Variants in HIF1A observed in about 807,000 individuals in gnomAD.
HIF1A encodes hypoxia-inducible factor 1-alpha.
HIF1A carries 24 observed loss-of-function variants against 92.7 expected under a neutral mutation model. The observed-to-expected ratio is 0.26, with a 90% confidence interval of 0.19 to 0.36. The LOEUF is 0.36. Ranked by LOEUF, HIF1A falls within the 10% of genes least tolerant of loss-of-function variation. The probability of loss-of-function intolerance (pLI) is 1.00; values close to 1 mark genes in which losing one functional copy is unlikely to be tolerated. For missense variants in HIF1A, 799 were observed against 998.5 expected (o/e 0.80, Z 2.69); for synonymous variants, 319 against 338.7 (o/e 0.94, Z 0.64).
At position 61,725,544 on chromosome 14, in the gene HIF1A, A is replaced by G. The variant is rs1023915953; in HGVS notation, c.458-1162A>G. Reference sequence around the variant, plus strand: ...ATTCTCACGCCTCAACCTCCCAAGTAGCTGGGATTATAGGCATGTGCCACC... The same window carrying G: ...ATTCTCACGCCTCAACCTCCCAAGTGGCTGGGATTATAGGCATGTGCCACC... On this transcript the variant is annotated intron_variant, in intron 4 of 14. Coordinates refer to ENST00000337138, the MANE Select transcript of HIF1A (RefSeq NM_001530.4). Among the ~76,000 whole-genome samples, 6 of 152,116 alleles carry G rather than the reference A, an allele frequency of 3.9e-5. No individual in the cohort carries two copies. In the South Asian group the frequency reaches 1.0e-3, roughly 26 times the overall value.
chr14:61,734,405 C>T (rs1468555307), intron 8 of HIF1A, 120 bp downstream of exon 8: 5 of 668,842 alleles, frequency 7.5e-6, no homozygotes, highest in African/African-American at 5.6e-5. Flanking sequence ...TCTTTTACAT[C>T]GCTACCAAAT....
intron 1 of HIF1A, among the ~76,000 whole-genome samples, chr14:61,711,906 CAACTTA>C (rs1198197096): frequency 3.3e-5 from 5 of 152,244 alleles, no homozygotes; most frequent in African/African-American, 1.2e-4. Flanking sequence ...GATCGAATCT[CAACTTA>C]TTAATTCATA....
intron 9 of HIF1A, among the ~76,000 whole-genome samples, chr14:61,737,430 T>C (rs965273976): frequency 3.3e-5 from 5 of 152,324 alleles, no homozygotes; most frequent in African/African-American, 9.6e-5. Flanking sequence ...TATATGGAAG[T>C]AGGCATTGTT....
chr14:61,745,597 A>G (rs2044770749), intron 13 of HIF1A, 94 bp from the exon 14 acceptor site: 1 of 990,402 alleles, frequency 1.0e-6, no homozygotes, highest in Non-Finnish European at 1.6e-6. Flanking sequence ...GAAACTGCCT[A>G]TAATGTTATT....
At chr14:61,695,989 A>G (rs1010725437) in intron 1 of HIF1A, 150 bp downstream of exon 1, 2 of 706,770 alleles carry the variant, frequency 2.8e-6, no homozygotes, top group Non-Finnish European at 2.3e-6. Context: ...CTCTTCCCCC[A>G]ACCTCGCCGG....
chr14:61,746,097 G>A (rs1337023062), intron 14 of HIF1A, among the ~76,000 whole-genome samples: 8 of 151,792 alleles, frequency 5.3e-5, no homozygotes, highest in South Asian at 2.1e-4. Flanking sequence ...GGTGGCGGGC[G>A]CCTGTAATCC....
chr14:61,717,756 T>C (rs1406664860), intron 1 of HIF1A, among the ~76,000 whole-genome samples: 2 of 152,182 alleles, frequency 1.3e-5, no homozygotes, highest in African/African-American at 4.8e-5. Flanking sequence ...AAGCATATAC[T>C]CGCGCCTGTA....
rs1024278930 is a variant in HIF1A, at chr14:61,744,565, A to G, written c.2094-140A>G. On this transcript the variant is annotated intron_variant, in intron 12 of 14. Transcript: ENST00000337138. Reference sequence around the variant, plus strand: ...TTTTACTTTTAAGATGATAAACTTTAGTGATCAGGAAAGTTATCTTATGTA... The same window carrying G: ...TTTTACTTTTAAGATGATAAACTTTGGTGATCAGGAAAGTTATCTTATGTA... 13 of 415,036 alleles carry G rather than the reference A, an allele frequency of 3.1e-5. No homozygotes were observed. The Admixed American group carries it at 4.5e-4, about 14-fold the overall frequency. The allele number at this position is 415,036 out of a possible 1,614,324, so 25.7% of individuals were successfully genotyped here.
At chr14:61,723,318 A>T (rs2044457015) in intron 4 of HIF1A, among the ~76,000 whole-genome samples, 1 of 152,174 alleles carries the variant, frequency 6.6e-6, no homozygotes. Context: ...TAACTGTTAG[A>T]CAATTTCTAT....
chr14:61,737,696 A>G (rs1276509979), intron 9 of HIF1A, among the ~76,000 whole-genome samples: 2 of 152,218 alleles, frequency 1.3e-5, no homozygotes, highest in African/African-American at 4.8e-5. Flanking sequence ...GAATTAGACA[A>G]ACCTTTTGTG....
chr14:61,731,476 T>C (rs989331465), intron 6 of HIF1A, among the ~76,000 whole-genome samples: 2 of 152,246 alleles, frequency 1.3e-5, no homozygotes, highest in Non-Finnish European at 2.9e-5. Context: ...ATTTGAAATA[T>C]TGTTTTATCT....
chr14:61,742,745 G>C (rs544220826), intron 12 of HIF1A, among the ~76,000 whole-genome samples: 5 of 151,880 alleles, frequency 3.3e-5, no homozygotes, highest in African/African-American at 1.2e-4. Flanking sequence ...TTAGCTGGGC[G>C]TGGTGGCACG....
At position 61,738,135 on chromosome 14, in the gene HIF1A, A is replaced by G. The variant is rs755477292; in HGVS notation, c.1298A>G (p.Asp433Gly). The change falls in exon 10 of 15, where the codon GAT becomes GGT. Residue 433 changes from aspartate to glycine, a missense_variant. By Grantham distance (94) the Asp-to-Gly change is moderately conservative (BLOSUM62 -1). Around this residue, in one of 2 missense-constraint regions of HIF1A, gnomAD observed 516 missense variants for 721.0 expected, o/e 0.72. Transcript: ENST00000337138. ...CTTGAGGAAGTACCATTATATAATGATGTAATGCTCCCCTCACCCAACGAA... is the reference window on the plus strand; with the variant it reads ...CTTGAGGAAGTACCATTATATAATGGTGTAATGCTCCCCTCACCCAACGAA... Reference protein sequence around the residue: ...QQLEEVPLYNDVMLPSPNEKL... With the variant: ...QQLEEVPLYNGVMLPSPNEKL... 28 of 1,613,374 alleles carry G rather than the reference A, an allele frequency of 1.7e-5. No individual in the cohort carries two copies. In the Admixed American group the frequency reaches 4.7e-4, roughly 27 times the overall value.
rs1312868950 is a variant in HIF1A at position 61,745,815 on chromosome 14, C to T, written c.2327C>T (p.Ser776Phe). The change falls in exon 14 of 15, where the codon TCT becomes TTT. Residue 776 changes from serine to phenylalanine, a missense_variant and splice_region_variant. Coordinates refer to ENST00000337138, the MANE Select transcript of HIF1A (RefSeq NM_001530.4). The part of the protein sequence containing the change: ...MEQKTIILIP[S>F]DLACRLLGQS... ...CAAAAGACAATTATTTTAATACCCT[C>T]TGGTTAGTTTATTCTTTTTGACCTT... The T allele has an allele frequency of 9.3e-6, 15 of 1,605,800 alleles. No homozygotes were observed. The highest frequency in any genetic ancestry group is 1.3e-5 in the Non-Finnish European group (15 of 1,175,934).
chr14:61,702,411 G>A (rs560384501), intron 1 of HIF1A, among the ~76,000 whole-genome samples: 14 of 148,356 alleles, frequency 9.4e-5, no homozygotes, highest in Middle Eastern at 3.5e-3. Flanking sequence ...CTGCACTCCA[G>A]CCTGATGACA....
At chr14:61,697,185 C>T (rs2044127044) in intron 1 of HIF1A, among the ~76,000 whole-genome samples, 1 of 152,060 alleles carries the variant, frequency 6.6e-6, no homozygotes, top group South Asian at 2.1e-4. Flanking sequence ...TTCTCCTGGT[C>T]CTTCTTCAAT....
chr14:61,728,635 G>T (rs529471693), intron 6 of HIF1A, among the ~76,000 whole-genome samples: 1 of 152,274 alleles, frequency 6.6e-6, no homozygotes, highest in South Asian at 2.1e-4. Context: ...CATACAGTTG[G>T]TGTCTAAATC....
At chr14:61,708,413 A>C (rs903753859) in intron 1 of HIF1A, among the ~76,000 whole-genome samples, 44 of 152,194 alleles carry the variant, frequency 2.9e-4, no homozygotes, top group East Asian at 2.3e-3. Flanking sequence ...CCTAGGTTTT[A>C]TTCTACGGTT....
At chr14:61,713,901 C>G (rs1157039895) in intron 1 of HIF1A, among the ~76,000 whole-genome samples, 3 of 152,090 alleles carry the variant, frequency 2.0e-5, no homozygotes, top group African/African-American at 7.2e-5. Context: ...TTGAAGGACA[C>G]CCAGTTGGTG....
Sources: gnomAD v4.1 joint callset for allele counts (sites outside exome capture counted in the v4.1 genomes callset) on GRCh38, gnomAD v4.1.1 for gene constraint, gnomAD v4.1.1 regional missense constraint, MANE v1.5 for transcripts, NCBI Gene and HGNC (gene_info 2026-07-23, HGNC 2026-07-21) for gene names.